CD163L1: variants seen among roughly 807,000 people sequenced by gnomAD.
The protein encoded by CD163L1 is CD163 molecule like 1, also known as scavenger receptor cysteine-rich type 1 protein M160.
Under a neutral mutation model 165.4 loss-of-function variants are expected in CD163L1, and 124 were observed. That is an observed-to-expected ratio of 0.75 (90% CI 0.65 to 0.87). The LOEUF (loss-of-function observed/expected upper bound fraction) is 0.87, where lower values mean the gene tolerates loss of function less well. Ranked by LOEUF, CD163L1 falls within the 40% of genes least tolerant of loss-of-function variation. The probability of loss-of-function intolerance (pLI) is 0.00; values close to 1 mark genes in which losing one functional copy is unlikely to be tolerated. For synonymous variants in CD163L1, 585 were observed against 662.2 expected (o/e 0.88, Z 1.79); for missense variants, 1,525 against 1,799.9 (o/e 0.85, Z 2.76).
intron 8 of CD163L1, among the ~76,000 whole-genome samples, chr12:7,390,774 G>A (rs1183394939): frequency 6.6e-6 from 1 of 152,150 alleles, no homozygotes; most frequent in African/African-American, 2.4e-5. Context: ...GAATAAATAT[G>A]TTGAAAACAA....
intron 4 of CD163L1, among the ~76,000 whole-genome samples, chr12:7,429,569 C>T (rs997726247): frequency 6.6e-6 from 1 of 152,108 alleles, no homozygotes; most frequent in African/African-American, 2.4e-5. Context: ...CAAGGCTGTA[C>T]CCATAAGAAA....
At chr12:7,329,791 C>G in the CD163L1 span, among the ~76,000 whole-genome samples, 3 of 151,836 alleles carry the variant, frequency 2.0e-5, no homozygotes, top group Non-Finnish European at 4.4e-5. Context: ...AGGTTATAAC[C>G]CAACACAGGA....
intron 8 of CD163L1, among the ~76,000 whole-genome samples, chr12:7,382,052 TA>T (rs1427193173): frequency 6.8e-6 from 1 of 147,974 alleles, no homozygotes; most frequent in East Asian, 1.9e-4. Flanking sequence ...AATTGTTTTA[TA>T]TATATAATTA....
At chr12:7,324,238 C>G in the CD163L1 span, 4 of 1,607,486 alleles carry the variant, frequency 2.5e-6, no homozygotes, top group Non-Finnish European at 3.4e-6. Context: ...CTGTTCTGAC[C>G]AGACTAATCC....
downstream of CD163L1, among the ~76,000 whole-genome samples, chr12:7,344,716 A>G (rs1591858305): frequency 6.6e-6 from 1 of 152,306 alleles, no homozygotes; most frequent in East Asian, 1.9e-4. Flanking sequence ...AGGCTTTCTC[A>G]TAAATACTCT....
chr12:7,411,944 G>A (rs1399306650), intron 4 of CD163L1, among the ~76,000 whole-genome samples: 3 of 152,182 alleles, frequency 2.0e-5, no homozygotes, highest in African/African-American at 7.2e-5. Context: ...ATGACACACA[G>A]TTCCCCACTG....
At chr12:7,344,436 A>C (rs1199704568), downstream of CD163L1, among the ~76,000 whole-genome samples, 6 of 152,220 alleles carry the variant, frequency 3.9e-5, no homozygotes, top group Admixed American at 6.5e-5. Context: ...AACTTCATGT[A>C]CCACATCCTG....
intron 4 of CD163L1, among the ~76,000 whole-genome samples, chr12:7,430,357 A>G (rs752340078): frequency 6.6e-6 from 1 of 152,346 alleles, no homozygotes; most frequent in East Asian, 1.9e-4. Context: ...TAAGAGACAG[A>G]TCACTTAGAA....
In CD163L1 at chr12:7,347,958, AT is replaced by A. The variant is rs528438362; in HGVS notation, c.*25-812del. Among the ~76,000 whole-genome samples, 12 of 152,080 alleles carry A rather than the reference AT, an allele frequency of 7.9e-5. No individual in the cohort carries two copies. Among genetic ancestry groups the A allele is most frequent in the Non-Finnish European group, 1.6e-4 (11 of 68,022 alleles). On this transcript the variant is annotated intron_variant, in intron 4 of 4. Coordinates refer to the CD163L1 transcript ENST00000539726. The surrounding 1 kb of genome is among the most constrained non-coding windows in gnomAD (Gnocchi z 4.2). Reference sequence around the variant, plus strand: ...GTCATTCAAATGTCCACAAACCCACATTTTTCTTCTTTAAATATTTACTACT... The same window carrying A: ...GTCATTCAAATGTCCACAAACCCACATTTTCTTCTTTAAATATTTACTACT...
chr12:7,380,393 G>A (rs374107179), intron 8 of CD163L1, among the ~76,000 whole-genome samples: 8 of 140,444 alleles, frequency 5.7e-5, no homozygotes, highest in South Asian at 2.5e-4. Flanking sequence ...GTGTATATGC[G>A]TATACACACA....
chr12:7,332,065 A>G, the CD163L1 span, among the ~76,000 whole-genome samples: 1 of 152,232 alleles, frequency 6.6e-6, no homozygotes, highest in Non-Finnish European at 1.5e-5. Context: ...TAACTAGAAT[A>G]ACCAATGCAG....
intron 8 of CD163L1, among the ~76,000 whole-genome samples, chr12:7,395,265 T>TA (rs1408975893): frequency 6.6e-6 from 1 of 152,024 alleles, no homozygotes; most frequent in Non-Finnish European, 1.5e-5. Flanking sequence ...TATGCAGCCA[T>TA]AAAAAAGGAT....
chr12:7,434,613 G>A (rs1292949295), intron 2 of CD163L1, among the ~76,000 whole-genome samples: 1 of 151,738 alleles, frequency 6.6e-6, no homozygotes, highest in South Asian at 2.1e-4. Context: ...TTAGTAAGAA[G>A]AGCAAGTGAG....
At chr12:7,318,899 A>G in the CD163L1 span, among the ~76,000 whole-genome samples, 2 of 152,242 alleles carry the variant, frequency 1.3e-5, no homozygotes, top group Non-Finnish European at 2.9e-5. Context: ...GGTTTAAGGC[A>G]GCAGTCTGCA....
the CD163L1 span, chr12:7,326,966 T>G: frequency 6.3e-7 from 1 of 1,588,632 alleles, no homozygotes; most frequent in Non-Finnish European, 8.5e-7. Context: ...AATTAACTTT[T>G]CTGTTGCAGG....
the CD163L1 span, among the ~76,000 whole-genome samples, chr12:7,321,429 C>T: frequency 1.3e-5 from 2 of 152,178 alleles, no homozygotes; most frequent in Non-Finnish European, 2.9e-5. Flanking sequence ...TAGGCTTGTC[C>T]ATCCTCTTTT....
At chr12:7,436,442 A>G in intron 2 of CD163L1, among the ~76,000 whole-genome samples, 1 of 152,200 alleles carries the variant, frequency 6.6e-6, no homozygotes, top group African/African-American at 2.4e-5. Flanking sequence ...TAAAATAATC[A>G]TTTCAATACC....
intron 4 of CD163L1, among the ~76,000 whole-genome samples, chr12:7,414,325 T>G (rs761121216): frequency 2.1e-4 from 32 of 152,022 alleles, no homozygotes; most frequent in African/African-American, 7.7e-4. Flanking sequence ...CAATGACACC[T>G]GAAAAATTCA....
At chr12:7,366,479 A>G (rs995418661) in intron 18 of CD163L1, among the ~76,000 whole-genome samples, 3 of 152,164 alleles carry the variant, frequency 2.0e-5, no homozygotes, top group Admixed American at 6.5e-5. Context: ...AATTATATGA[A>G]TGTACTAAAT....
Sources: gnomAD v4.1 joint callset for allele counts (sites outside exome capture counted in the v4.1 genomes callset) on GRCh38, gnomAD v4.1.1 for gene constraint, Gnocchi (gnomAD v3.1) non-coding constraint, MANE v1.5 for transcripts, NCBI Gene and HGNC (gene_info 2026-07-23, HGNC 2026-07-21) for gene names.